ADAP1: variants seen among roughly 807,000 people sequenced by gnomAD.
ADAP1 encodes ArfGAP with dual PH domains 1.
Under a neutral mutation model 54.9 loss-of-function variants are expected in ADAP1, and 31 were observed. That is an observed-to-expected ratio of 0.56 (90% confidence interval 0.42 to 0.76). The LOEUF (loss-of-function observed/expected upper bound fraction) is 0.76, where lower values mean the gene tolerates loss of function less well. Among genes scored for constraint, ADAP1 ranks in the 30% least tolerant of loss-of-function variants. The pLI is 0.00. For synonymous variants in ADAP1, 313 were observed against 202.6 expected (o/e 1.55, Z -4.63); for missense variants, 535 against 512.4 (o/e 1.04, Z -0.42).
chr7:905,476 G>GGAAAGGA (rs1562912013), intron 4 of ADAP1: 3 of 54,934 alleles, frequency 5.5e-5, no homozygotes, highest in African/African-American at 1.5e-4. Context: ...AAGGAGAAAG[G>GGAAAGGA]GAAAGGAGAA....
chr7:935,031 G>A, intron 2 of ADAP1: 1 of 419,944 alleles, frequency 2.4e-6, no homozygotes, highest in Non-Finnish European at 4.8e-6. Flanking sequence ...TAGAGACAGG[G>A]TCTCTTTTAC....
intron 3 of ADAP1, among the ~76,000 whole-genome samples, chr7:925,647 G>A (rs1021263415): frequency 6.6e-6 from 1 of 152,254 alleles, no homozygotes; most frequent in Non-Finnish European, 1.5e-5. Flanking sequence ...TGGGCAGGCA[G>A]AGCCCAGGCT....
intron 6 of ADAP1, 50 bp from the exon 7 acceptor site, chr7:900,666 G>GGGTCCCCACAGAGGGGCTGC: frequency 7.3e-7 from 1 of 1,377,360 alleles, no homozygotes; most frequent in Non-Finnish European, 1.0e-6. Context: ...TGCAGCGCTG[G>GGGTCCCCACAGAGGGGCTGC]GGTCCCCACA....
intron 4 of ADAP1, among the ~76,000 whole-genome samples, chr7:919,660 T>G (rs1846088282): frequency 2.2e-5 from 2 of 89,848 alleles, no homozygotes; most frequent in Admixed American, 1.4e-4. Context: ...CACAGAGAGA[T>G]AAAGAGAGAC....
chr7:916,106 G>A (rs1003963521), intron 4 of ADAP1, among the ~76,000 whole-genome samples: 4 of 152,294 alleles, frequency 2.6e-5, no homozygotes, highest in East Asian at 1.9e-4. Flanking sequence ...GTCACATCCC[G>A]GCCCGACCAG....
At position 946,411 on chromosome 7, in the gene ADAP1, C is replaced by T. The variant is rs1847141194; in HGVS notation, c.82+7985G>A. Among the ~76,000 whole-genome samples, 1 of 152,190 alleles carries T rather than the reference C, an allele frequency of 6.6e-6. No individual in the cohort carries two copies. Among genetic ancestry groups the T allele is most frequent in the African/African-American group, 2.4e-5 (1 of 41,444 alleles). ...CATTGTGAGGATGGGGCCCTTTGGC[C>T]CTAGGAACAGGCCCTCCCAGGACCC... On this transcript the variant is annotated intron_variant, in intron 1 of 10. Transcript: ENST00000265846. The surrounding 1 kb of genome is among the most constrained non-coding windows in gnomAD (Gnocchi z 4.3).
In ADAP1 at chr7:954,470, T is replaced by C. The variant is rs1180223847; in HGVS notation, c.8A>G (p.Lys3Arg). The change falls in exon 1 of 11, where the codon AAG (lysine) becomes AGG (arginine). Residue 3 changes from lysine to arginine, a missense_variant. Transcript: ENST00000265846. ...CTCCAGGACCGCCCTGCGCCGCTCCTTGGCCATGGCCGCGATGCGCCCGCG... is the reference window on the plus strand; with the variant it reads ...CTCCAGGACCGCCCTGCGCCGCTCCCTGGCCATGGCCGCGATGCGCCCGCG... MA[K>R]ERRRAVLELL... is the part of the protein sequence containing the mutation. 3 of 1,043,630 alleles carry C rather than the reference T, an allele frequency of 2.9e-6. No individual in the cohort carries two copies. The highest frequency in any genetic ancestry group is 3.5e-5 in the African/African-American group (2 of 57,570). 64.6% of individuals were successfully genotyped at this position (1,043,630 alleles called of 1,614,324 possible). A position where few individuals can be genotyped will look rare whatever the true frequency, so the allele number is the denominator to read the frequency against.
intron 2 of ADAP1, among the ~76,000 whole-genome samples, chr7:934,741 G>A (rs1846694479): frequency 6.6e-6 from 1 of 152,186 alleles, no homozygotes; most frequent in Admixed American, 6.5e-5. Flanking sequence ...AGGGCTTCCT[G>A]GTTGGCTCAC....
intron 5 of ADAP1, 35 bp downstream of exon 5, chr7:905,025 G>A (rs1429807768): frequency 1.3e-6 from 2 of 1,586,362 alleles, no homozygotes; most frequent in East Asian, 2.2e-5. Context: ...GCCGCCCTGG[G>A]ACAGGCCCCC....
At chr7:935,679 C>T (rs573917652) in intron 1 of ADAP1, among the ~76,000 whole-genome samples, 174 bp from the exon 2 acceptor site, 1 of 149,950 alleles carries the variant, frequency 6.7e-6, no homozygotes, top group African/African-American at 2.4e-5. Flanking sequence ...GCTCCCCCCC[C>T]GCCCTCTGCC....
At chr7:901,190 T>A (rs1351397050) in intron 6 of ADAP1, 3 of 363,382 alleles carry the variant, frequency 8.3e-6, no homozygotes, top group Non-Finnish European at 1.6e-5. Flanking sequence ...AGAGGGCCCA[T>A]AGCCCAGGCC....
intron 3 of ADAP1, among the ~76,000 whole-genome samples, chr7:924,049 C>A (rs577086119): frequency 3.9e-4 from 30 of 76,722 alleles, no homozygotes; most frequent in East Asian, 1.5e-3. Context: ...CCACGCTGCA[C>A]CCCCCGCCCT....
chr7:911,032 C>T (rs1845700856), intron 4 of ADAP1, among the ~76,000 whole-genome samples: 1 of 152,198 alleles, frequency 6.6e-6, no homozygotes, highest in Non-Finnish European at 1.5e-5. Flanking sequence ...TCCACCCACG[C>T]TCTCCGACCC....
chr7:905,455 GGGAAAGGAGAAA>G lies in ADAP1; in HGVS notation c.389-295_389-284del, dbSNP rs1339313920. The G allele has an allele frequency of 3.5e-4, 49 of 140,106 alleles. 1 individual carries two copies. Among genetic ancestry groups the G allele is most frequent in the Admixed American group, 7.7e-4 (10 of 12,938 alleles). 8.7% of individuals were successfully genotyped at this position (140,106 alleles called of 1,614,324 possible). ...AAGGAGAAAGGGAGAAAGGGAGAAA[GGGAAAGGAGAAA>G]GGAGAAAGGGAAAGGAGAAAGGAGA... On this transcript the variant is annotated intron_variant, in intron 4 of 10. Transcript: ENST00000265846.
intron 2 of ADAP1, among the ~76,000 whole-genome samples, chr7:931,457 C>T (rs1019176238): frequency 6.6e-5 from 10 of 152,098 alleles, no homozygotes; most frequent in African/African-American, 2.2e-4. Context: ...CCTGGCACCG[C>T]GGGAAAGGAG....
intron 4 of ADAP1, among the ~76,000 whole-genome samples, chr7:909,794 G>C (rs1353121104): frequency 6.6e-6 from 1 of 152,154 alleles, no homozygotes; most frequent in East Asian, 1.9e-4. Flanking sequence ...TTATCAAACA[G>C]CTACCGCGTG....
chr7:905,300 G>GAGA lies in ADAP1; in HGVS notation c.389-129_389-128insTCT, dbSNP rs1491493918. On this transcript the variant is annotated intron_variant, in intron 4 of 10. Coordinates refer to ENST00000265846, the MANE Select transcript of ADAP1 (RefSeq NM_006869.4). ...GGGACACGGACGGGGGACACGGACA[G>GAGA]GGGGAGACGGACGGGGAGAGGGGAC... is the stretch of plus-strand genomic sequence containing the variant. 1.0e-4 allele frequency: 30 copies of GAGA among 296,250 alleles called. No individual in the cohort carries two copies. In the African/African-American group the frequency reaches 2.5e-3, roughly 25 times the overall value. The allele number at this position is 296,250 out of a possible 1,614,324, so 18.4% of individuals were successfully genotyped here.
chr7:902,136 A>G (rs1433301094), intron 6 of ADAP1, among the ~76,000 whole-genome samples: 2 of 151,220 alleles, frequency 1.3e-5, no homozygotes, highest in African/African-American at 4.9e-5. Context: ...AGCCTGACCA[A>G]CATGGTGAAA....
intron 6 of ADAP1, among the ~76,000 whole-genome samples, chr7:903,067 G>C (rs1363050318): frequency 1.3e-5 from 2 of 152,174 alleles, no homozygotes; most frequent in Non-Finnish European, 2.9e-5. Flanking sequence ...TGAGGCTGCA[G>C]GAGCGAGATC....
Sources: allele counts gnomAD v4.1 joint callset (sites outside exome capture counted in the v4.1 genomes callset), GRCh38; gene constraint gnomAD v4.1.1; non-coding constraint Gnocchi (gnomAD v3.1); transcripts MANE v1.5; gene names NCBI Gene and HGNC (gene_info 2026-07-23, HGNC 2026-07-21).